The following KATNIP variants were observed in gnomAD, a reference collection of about 807,000 sequenced individuals.
KATNIP encodes katanin interacting protein.
A neutral mutation model predicts 174.0 loss-of-function variants in KATNIP; 126 were observed. The ratio of observed to expected loss-of-function variants is 0.72; its 90% CI spans 0.63 to 0.84. The LOEUF (loss-of-function observed/expected upper bound fraction) is 0.84, where lower values mean the gene tolerates loss of function less well. Among genes scored for constraint, KATNIP ranks in the 40% least tolerant of loss-of-function variants. The pLI, the probability that KATNIP is intolerant of heterozygous loss-of-function variation, is 0.00. For missense variants in KATNIP, 1,958 were observed against 2,109.7 expected (o/e 0.93, Z 1.41); for synonymous variants, 810 against 835.7 (o/e 0.97, Z 0.53).
At chr16:27,628,521 G>T in intron 3 of KATNIP, 140 bp from the exon 4 acceptor site, 1 of 899,132 alleles carries the variant, frequency 1.1e-6, no homozygotes, top group Non-Finnish European at 1.7e-6. Flanking sequence ...GCTGTTTGTA[G>T]ACAAACAGCT....
At position 27,702,167 on chromosome 16, in the gene KATNIP, C is replaced by A. The variant is rs764572108; in HGVS notation, c.1286+472C>A. 1.1e-4 allele frequency among the ~76,000 whole-genome samples: 16 copies of A among 152,204 alleles called. 1 individual carries two copies. Among genetic ancestry groups the A allele is most frequent in the Admixed American group, 9.8e-4 (15 of 15,286 alleles). ...TCAAATTGACTTGATTTCTTTTAGGCATATGGCTCTTATCTTGGTCAGTTT... is the reference window on the plus strand; with the variant it reads ...TCAAATTGACTTGATTTCTTTTAGGAATATGGCTCTTATCTTGGTCAGTTT... On this transcript the variant is annotated intron_variant, in intron 11 of 27. Transcript: ENST00000261588.
At chr16:27,649,901 C>T (rs1479415933) in intron 6 of KATNIP, among the ~76,000 whole-genome samples, 2 of 152,086 alleles carry the variant, frequency 1.3e-5, no homozygotes, top group African/African-American at 2.4e-5. Context: ...TGGGGCCAGG[C>T]GCTGTGGCTC....
At chr16:27,565,632 GT>G in intron 1 of KATNIP, among the ~76,000 whole-genome samples, 1 of 152,006 alleles carries the variant, frequency 6.6e-6, no homozygotes, top group Middle Eastern at 3.4e-3. Context: ...ACAAAAGTAA[GT>G]TTTAGCCAAG....
In KATNIP at chr16:27,740,967, C is replaced by T. The variant is rs548369341; in HGVS notation, c.2623+47C>T. 14 of 1,507,414 alleles carry T rather than the reference C, an allele frequency of 9.3e-6. No homozygotes were observed. The South Asian group carries it at 1.5e-4, about 16-fold the overall frequency. 93.4% of individuals were successfully genotyped at this position (1,507,414 alleles called of 1,614,324 possible). ...GACTTGGGCATCATCATCCCAGCCC[C>T]TCTAATTGGCATGAAGCCAGTTAGC... On this transcript the variant is annotated intron_variant, in intron 15 of 27. Transcript: ENST00000261588.
chr16:27,589,134 C>T (rs989381993), intron 2 of KATNIP, among the ~76,000 whole-genome samples: 8 of 151,804 alleles, frequency 5.3e-5, no homozygotes, highest in Middle Eastern at 3.4e-3. Context: ...TCAAACTCCC[C>T]GCCTCAAGTG....
chr16:27,652,719 A>G (rs1304554296), intron 6 of KATNIP, among the ~76,000 whole-genome samples: 1 of 151,858 alleles, frequency 6.6e-6, no homozygotes, highest in Non-Finnish European at 1.5e-5. Flanking sequence ...AGGCCGAGGC[A>G]GGAGAATCAC....
intron 18 of KATNIP, chr16:27,757,450 G>A (rs1223284786): frequency 2.1e-6 from 2 of 974,684 alleles, no homozygotes; most frequent in Admixed American, 6.2e-5. Flanking sequence ...TGCTGGCCAG[G>A]CAGAAGCAGC....
In KATNIP at chr16:27,777,009, C is replaced by T. The variant is rs762066341; in HGVS notation, c.4531C>T (p.Arg1511Ter). The T allele has an allele frequency of 1.9e-6, 3 of 1,611,316 alleles. No homozygotes were observed. The highest frequency in any genetic ancestry group is 2.2e-5 in the East Asian group (1 of 44,876). The change falls in exon 25 of 28, where the codon CGA (arginine) becomes TGA (stop). Residue 1511 changes from arginine (R) to a stop codon, truncating the protein, a stop_gained. Transcript: ENST00000261588. LOFTEE classifies it high-confidence loss of function. The surrounding 1 kb of genome is among the most constrained non-coding windows in gnomAD (Gnocchi z 4.4). ...GTGGAATTATGCGAAAACACCCCAT[C>T]GAGGGGTGAAGGAGTTTGGCGTAAG... ...KLWNYAKTPH[R>*]GVKEFGLLVD...
intron 5 of KATNIP, among the ~76,000 whole-genome samples, chr16:27,635,708 A>G (rs746131519): frequency 7.2e-5 from 11 of 152,144 alleles, no homozygotes; most frequent in Non-Finnish European, 1.6e-4. Context: ...CCTGACTTCA[A>G]ATACATGGAT....
In KATNIP at chr16:27,740,776, C is replaced by T; in HGVS notation, c.2479C>T (p.Gln827Ter). The T allele has an allele frequency of 6.2e-7, 1 of 1,614,186 alleles. No homozygotes were observed. Among genetic ancestry groups the T allele is most frequent in the South Asian group, 1.1e-5 (1 of 91,082 alleles). The change falls in exon 15 of 28, where the codon CAG (glutamine) becomes TAG (stop). Residue 827 changes from glutamine (Q) to a stop codon, truncating the protein, a stop_gained. Transcript: ENST00000261588. LOFTEE classifies it high-confidence loss of function. ...GAGTGTCAACACCAAGGAGAGACCC[C>T]AGAGGGCAACCACCAAAGTCCACAG... ...SRSVNTKERP[Q>*]RATTKVHSDD...
Position 27,778,698 on chromosome 16 carries a change from C to G in KATNIP, c.*69C>G. On this transcript the variant is annotated 3_prime_UTR_variant, in exon 28 of 28. Coordinates refer to ENST00000261588, the MANE Select transcript of KATNIP (RefSeq NM_015202.5). ...CGTCAGCAGCCCCACTCAGTGCCTG[C>G]GTCCCTCACCCTCAGTCCCAGGAGC... 1 of 1,467,232 alleles carries G rather than the reference C, an allele frequency of 6.8e-7. No homozygotes were observed. The highest frequency in any genetic ancestry group is 9.4e-7 in the Non-Finnish European group (1 of 1,060,676). The allele number at this position is 1,467,232 out of a possible 1,614,324, so 90.9% of individuals were successfully genotyped here.
At chr16:27,610,699 G>A (rs781106683) in intron 2 of KATNIP, among the ~76,000 whole-genome samples, 9 of 152,120 alleles carry the variant, frequency 5.9e-5, no homozygotes, top group Non-Finnish European at 1.2e-4. Flanking sequence ...ACCAGCAGTT[G>A]ATTACAGCTG....
At position 27,771,741 on chromosome 16, in the gene KATNIP, A is replaced by G. The variant is rs950641873; in HGVS notation, c.4198+89A>G. 2.6e-5 allele frequency: 36 copies of G among 1,367,452 alleles called. No homozygotes were observed. The African/African-American group carries it at 3.6e-4, about 14-fold the overall frequency. 84.7% of individuals were successfully genotyped at this position (1,367,452 alleles called of 1,614,324 possible). ...TGCCCAGCCAGGGTTTCAGGCGGCC[A>G]CAGATGAGGCAGCTGGAACTCCATG... On this transcript the variant is annotated intron_variant, in intron 22 of 27. Transcript: ENST00000261588.
intron 14 of KATNIP, among the ~76,000 whole-genome samples, chr16:27,728,966 T>A (rs1370436362): frequency 2.0e-5 from 3 of 152,230 alleles, no homozygotes; most frequent in Non-Finnish European, 2.9e-5. Context: ...TCACAGATTG[T>A]CTGGAGGGTG....
chr16:27,629,204 TC>T (rs2076419539), intron 4 of KATNIP, among the ~76,000 whole-genome samples: 1 of 148,362 alleles, frequency 6.7e-6, no homozygotes, highest in African/African-American at 2.5e-5. Context: ...TGGAACCACA[TC>T]CTGTGCATGT....
intron 3 of KATNIP, among the ~76,000 whole-genome samples, chr16:27,621,587 C>A (rs540775766): frequency 6.6e-6 from 1 of 152,182 alleles, no homozygotes; most frequent in East Asian, 1.9e-4. Context: ...GCCATTTTTG[C>A]ATTACTATAA....
intron 1 of KATNIP, 108 bp downstream of exon 1, chr16:27,550,285 T>C: frequency 3.1e-6 from 4 of 1,288,520 alleles, no homozygotes; most frequent in South Asian, 1.4e-5. Flanking sequence ...CACCACTTCC[T>C]GACCCAAGGG....
At chr16:27,648,840 T>C in intron 6 of KATNIP, 105 bp downstream of exon 6, 2 of 1,262,190 alleles carry the variant, frequency 1.6e-6, no homozygotes, top group South Asian at 2.8e-5. Flanking sequence ...ATTCTGTCCT[T>C]CACTCGCCGC....
At chr16:27,683,325 G>A (rs146280074) in intron 8 of KATNIP, among the ~76,000 whole-genome samples, 153 of 152,328 alleles carry the variant, frequency 1.0e-3, no homozygotes, top group Non-Finnish European at 2.0e-3. Flanking sequence ...AATCAGAGTG[G>A]CTTAAACAAT....
Sources: allele counts gnomAD v4.1 joint callset (sites outside exome capture counted in the v4.1 genomes callset), GRCh38; gene constraint gnomAD v4.1.1; non-coding constraint Gnocchi (gnomAD v3.1); transcripts MANE v1.5; gene names NCBI Gene and HGNC (gene_info 2026-07-23, HGNC 2026-07-21).